OTOF: variants seen among roughly 807,000 people sequenced by gnomAD.
OTOF encodes the protein fer-1-like family member 2.
A neutral mutation model predicts 236.8 loss-of-function variants in OTOF; 218 were observed. The observed-to-expected ratio is 0.92, with a 90% confidence interval of 0.82 to 1.03. The LOEUF is 1.03. Among genes scored for constraint, OTOF ranks in the 50% least tolerant of loss-of-function variants. OTOF has a pLI of 0.00. For missense variants in OTOF, 2,590 were observed against 2,694.4 expected (o/e 0.96, Z 0.86); for synonymous variants, 1,041 against 1,072.5 (o/e 0.97, Z 0.57).
Position 26,472,863 on chromosome 2 carries a change from C to T in OTOF, c.3734-214G>A, listed in dbSNP as rs543286549. ...GCGGAGGCCGGTGGGAGGGAGGTGGCGGGGAGGCCTGGGTCTTCTCCATCA... is the reference window on the plus strand; with the variant it reads ...GCGGAGGCCGGTGGGAGGGAGGTGGTGGGGAGGCCTGGGTCTTCTCCATCA... On this transcript the variant is annotated intron_variant, in intron 29 of 46. Coordinates refer to ENST00000272371, the MANE Select transcript of OTOF (RefSeq NM_194248.3). Among the ~76,000 whole-genome samples, 8 of 152,190 alleles carry T rather than the reference C, an allele frequency of 5.3e-5. No individual in the cohort carries two copies. The East Asian group carries it at 1.2e-3, about 22-fold the overall frequency.
At chr2:26,475,592 G>C in intron 24 of OTOF, 99 bp from the exon 25 acceptor site, 1 of 1,332,954 alleles carries the variant, frequency 7.5e-7, no homozygotes, top group South Asian at 1.2e-5. Context: ...ACGGAACCTG[G>C]GGGCAGGAGT....
chr2:26,532,545 C>T (rs1242457790), intron 2 of OTOF, among the ~76,000 whole-genome samples: 4 of 152,198 alleles, frequency 2.6e-5, no homozygotes, highest in Non-Finnish European at 5.9e-5. Flanking sequence ...GGTTGTTTCT[C>T]AGTCCTGGGG....
chr2:26,553,121 T>C (rs929955523), intron 1 of OTOF, among the ~76,000 whole-genome samples: 3 of 152,180 alleles, frequency 2.0e-5, no homozygotes, highest in Admixed American at 6.5e-5. Context: ...CAGCCAACAG[T>C]AGGGGGACAT....
intron 2 of OTOF, among the ~76,000 whole-genome samples, chr2:26,534,524 A>T (rs1296007437): frequency 6.6e-6 from 1 of 151,784 alleles, no homozygotes; most frequent in Non-Finnish European, 1.5e-5. Flanking sequence ...CCTCCTCCCC[A>T]CTCAGGTTCC....
intron 1 of OTOF, among the ~76,000 whole-genome samples, chr2:26,552,967 G>A (rs537093995): frequency 6.6e-6 from 1 of 152,180 alleles, no homozygotes; most frequent in Non-Finnish European, 1.5e-5. Flanking sequence ...AGCATTTCAG[G>A]GGTGGGTGCA....
At chr2:26,491,675 G>C (rs1292673372) in intron 9 of OTOF, among the ~76,000 whole-genome samples, 1 of 152,170 alleles carries the variant, frequency 6.6e-6, no homozygotes, top group East Asian at 1.9e-4. Flanking sequence ...GGCGGGGCCA[G>C]ATGCACACAC....
intron 8 of OTOF, among the ~76,000 whole-genome samples, chr2:26,500,909 G>A (rs1666101365): frequency 6.6e-6 from 1 of 152,180 alleles, no homozygotes; most frequent in South Asian, 2.1e-4. Flanking sequence ...TCTGGGGCCT[G>A]GTGCTGATAC....
chr2:26,547,423 T>C (rs1036566526), intron 1 of OTOF, among the ~76,000 whole-genome samples: 2 of 152,244 alleles, frequency 1.3e-5, no homozygotes, highest in African/African-American at 2.4e-5. Context: ...TGGGCTGTAA[T>C]TTTCTTTTTG....
chr2:26,522,724 G>A (rs1331518993), intron 3 of OTOF, among the ~76,000 whole-genome samples: 1 of 152,236 alleles, frequency 6.6e-6, no homozygotes, highest in African/African-American at 2.4e-5. Flanking sequence ...CGGGTGTCAG[G>A]AGGCCTGGGG....
intron 3 of OTOF, among the ~76,000 whole-genome samples, chr2:26,521,779 T>C (rs774790740): frequency 6.6e-6 from 1 of 152,232 alleles, no homozygotes. Flanking sequence ...GTCAGACAGA[T>C]GTGGGCTCAC....
intron 46 of OTOF, among the ~76,000 whole-genome samples, chr2:26,459,363 T>C (rs1367881736): frequency 6.6e-6 from 1 of 152,054 alleles, no homozygotes; most frequent in East Asian, 1.9e-4. Flanking sequence ...CCATCCTGGC[T>C]AACACAGTGA....
chr2:26,514,791 T>C (rs1465511326), intron 5 of OTOF, among the ~76,000 whole-genome samples: 4 of 152,166 alleles, frequency 2.6e-5, no homozygotes, highest in Admixed American at 6.5e-5. Context: ...CAGCATTCCT[T>C]TCCCTGTGAC....
intron 3 of OTOF, among the ~76,000 whole-genome samples, chr2:26,521,737 C>T (rs1018702087): frequency 2.6e-5 from 4 of 152,204 alleles, no homozygotes; most frequent in African/African-American, 7.2e-5. Context: ...TAAAGGGAAG[C>T]GGTGTAGACA....
chr2:26,501,096 C>T (rs1238516428), intron 8 of OTOF, among the ~76,000 whole-genome samples: 1 of 152,186 alleles, frequency 6.6e-6, no homozygotes, highest in Non-Finnish European at 1.5e-5. Context: ...ATGGAGGGTC[C>T]CTGGGCCCTT....
intron 2 of OTOF, among the ~76,000 whole-genome samples, chr2:26,534,012 C>T (rs1667009655): frequency 6.6e-6 from 1 of 152,076 alleles, no homozygotes. Flanking sequence ...TGTAGTGGGT[C>T]CATCTGCCCG....
At chr2:26,458,453 G>C (rs1664294591) in intron 46 of OTOF, among the ~76,000 whole-genome samples, 1 of 152,258 alleles carries the variant, frequency 6.6e-6, no homozygotes, top group African/African-American at 2.4e-5. Flanking sequence ...AGGCCTAGAT[G>C]GGAGCTACTT....
At position 26,476,246 on chromosome 2, in the gene OTOF, C is replaced by T. The variant is rs762324037; in HGVS notation, c.2748G>A (p.Leu916=). The part of the protein sequence containing the change: ...VQAKVELYLW[L]GLSKQRKEFL... ...ACTCCTTGCGCTGTTTGCTGAGGCC[C>T]AGCCACAGGTACAGCTCCACCTTGG... The change falls in exon 23 of 47, where the codon CTG becomes CTA. Residue 916 remains leucine, a synonymous_variant. Transcript: ENST00000272371. 1.5e-5 allele frequency: 24 copies of T among 1,607,982 alleles called. No individual in the cohort carries two copies. Among genetic ancestry groups the T allele is most frequent in the Non-Finnish European group, 1.6e-5 (19 of 1,179,826 alleles).
chr2:26,461,615 G>T lies in OTOF; in HGVS notation c.5533+81C>A. The stretch of plus-strand genomic sequence containing the variant: ...TGACCCCTTGTCCCCCCAAGGCAGG[G>T]CTCTCCCTGTCCCCGCCAACCCGGC... On this transcript the variant is annotated intron_variant, in intron 43 of 46. Coordinates refer to ENST00000272371, the MANE Select transcript of OTOF (RefSeq NM_194248.3). The surrounding 1 kb of genome is among the most constrained non-coding windows in gnomAD (Gnocchi z 6.2). The T allele has an allele frequency of 6.3e-7, 1 of 1,583,910 alleles. No homozygotes were observed. Among genetic ancestry groups the T allele is most frequent in the Admixed American group, 1.7e-5 (1 of 59,706 alleles).
chr2:26,471,811 A>G (rs1664988897), intron 30 of OTOF, among the ~76,000 whole-genome samples: 1 of 152,078 alleles, frequency 6.6e-6, no homozygotes, highest in African/African-American at 2.4e-5. Flanking sequence ...ATATGCACAT[A>G]CACCACATGC....
Sources: gnomAD v4.1 joint callset for allele counts (sites outside exome capture counted in the v4.1 genomes callset) on GRCh38, gnomAD v4.1.1 for gene constraint, Gnocchi (gnomAD v3.1) non-coding constraint, MANE v1.5 for transcripts, NCBI Gene and HGNC (gene_info 2026-07-23, HGNC 2026-07-21) for gene names.